Variants in PTPRM observed in about 807,000 individuals in gnomAD.
PTPRM encodes the protein receptor-type tyrosine-protein phosphatase mu.
Under a neutral mutation model 186.7 loss-of-function variants are expected in PTPRM, and 47 were observed. The ratio of observed to expected loss-of-function variants is 0.25; its 90% confidence interval spans 0.20 to 0.32. PTPRM has a LOEUF of 0.32. Among genes scored for constraint, PTPRM ranks in the 10% least tolerant of loss-of-function variants. PTPRM has a pLI of 1.00. For missense variants in PTPRM, 1,494 were observed against 1,865.0 expected (o/e 0.80, Z 3.66); for synonymous variants, 668 against 674.9 (o/e 0.99, Z 0.16).
chr18:8,202,323 T>G (rs1375927828), intron 14 of PTPRM, among the ~76,000 whole-genome samples: 1 of 152,190 alleles, frequency 6.6e-6, no homozygotes, highest in African/African-American at 2.4e-5. Context: ...ACAAACCTAT[T>G]TTACAGTAAA....
intron 21 of PTPRM, among the ~76,000 whole-genome samples, chr18:8,316,177 C>T (rs2095307631): frequency 1.3e-5 from 2 of 152,200 alleles, no homozygotes; most frequent in South Asian, 2.1e-4. Context: ...CCTTGAGAGG[C>T]TCCAGGGGAC....
At position 7,875,291 on chromosome 18, in the gene PTPRM, A is replaced by G. The variant is rs145769426; in HGVS notation, c.197-12815A>G. 7.0e-3 allele frequency among the ~76,000 whole-genome samples: 1,072 copies of G among 152,076 alleles called. 8 individuals are homozygous for G. The highest frequency in any genetic ancestry group is 0.024 in the African/African-American group (1,013 of 41,516). ...GTATTATGGTGTATCCTAGGATACT[A>G]TGCGTATCAGTGAAACATTCTTGGT... On this transcript the variant is annotated intron_variant, in intron 2 of 32. Transcript: ENST00000580170.
At chr18:7,787,870 A>G (rs1487774172) in intron 2 of PTPRM, among the ~76,000 whole-genome samples, 1 of 152,278 alleles carries the variant, frequency 6.6e-6, no homozygotes, top group African/African-American at 2.4e-5. Context: ...TGAAAACACA[A>G]GAGTCCATAA....
intron 1 of PTPRM, among the ~76,000 whole-genome samples, chr18:7,769,255 T>G (rs1302178967): frequency 6.6e-6 from 1 of 152,100 alleles, no homozygotes; most frequent in Non-Finnish European, 1.5e-5. Flanking sequence ...TATGGGCCCC[T>G]TATGACTGGA....
intron 19 of PTPRM, among the ~76,000 whole-genome samples, chr18:8,279,709 G>A (rs543194937): frequency 6.6e-6 from 1 of 152,316 alleles, no homozygotes; most frequent in South Asian, 2.1e-4. Context: ...TGTTCACTAT[G>A]GAGAGGATGC....
intron 14 of PTPRM, among the ~76,000 whole-genome samples, chr18:8,146,951 G>C (rs1254615271): frequency 6.6e-6 from 1 of 152,172 alleles, no homozygotes; most frequent in Non-Finnish European, 1.5e-5. Flanking sequence ...GCAAAGATCA[G>C]ATGGTTCTAG....
At chr18:7,715,867 A>G (rs2040317380) in intron 1 of PTPRM, among the ~76,000 whole-genome samples, 1 of 152,214 alleles carries the variant, frequency 6.6e-6, no homozygotes, top group Non-Finnish European at 1.5e-5. Context: ...GAGAAGACAA[A>G]CAAATGGAAA....
chr18:8,311,056 C>T (rs1398549987), intron 20 of PTPRM, among the ~76,000 whole-genome samples: 2 of 152,194 alleles, frequency 1.3e-5, no homozygotes, highest in Non-Finnish European at 2.9e-5. Context: ...CGCCTGTAAT[C>T]CCAGCACTTT....
chr18:7,954,542 G>A (rs757824687), intron 6 of PTPRM, among the ~76,000 whole-genome samples: 8 of 152,122 alleles, frequency 5.3e-5, no homozygotes, highest in Admixed American at 4.6e-4. Context: ...ATAAATATAA[G>A]GAAACAATTT....
intron 14 of PTPRM, among the ~76,000 whole-genome samples, chr18:8,238,731 G>A (rs1240777995): frequency 3.1e-5 from 4 of 127,910 alleles, no homozygotes; most frequent in African/African-American, 1.1e-4. Context: ...GTGGTAAATA[G>A]GCCTTTAGTA....
intron 7 of PTPRM, 35 bp from the exon 8 acceptor site, chr18:8,069,651 C>A: frequency 6.5e-7 from 1 of 1,542,404 alleles, no homozygotes; most frequent in South Asian, 1.2e-5. Context: ...TCTTTCTTCT[C>A]TCTCATGTTT....
intron 5 of PTPRM, among the ~76,000 whole-genome samples, chr18:7,937,594 G>T (rs918635012): frequency 6.6e-6 from 1 of 152,214 alleles, no homozygotes; most frequent in East Asian, 1.9e-4. Flanking sequence ...CAAAACTCAG[G>T]TAAAGGTGCC....
intron 1 of PTPRM, among the ~76,000 whole-genome samples, chr18:7,702,552 G>A (rs895927962): frequency 6.6e-6 from 1 of 151,874 alleles, no homozygotes; most frequent in African/African-American, 2.4e-5. Context: ...TGTTTTTCTT[G>A]TAAATTTGTT....
At chr18:8,066,755 C>G (rs1348709639) in intron 7 of PTPRM, among the ~76,000 whole-genome samples, 1 of 152,206 alleles carries the variant, frequency 6.6e-6, no homozygotes, top group Non-Finnish European at 1.5e-5. Context: ...ATTTAGACCT[C>G]ATACAGCCTC....
At chr18:8,378,222 C>G in intron 26 of PTPRM, 43 bp from the exon 27 acceptor site, 1 of 1,549,528 alleles carries the variant, frequency 6.5e-7, no homozygotes, top group South Asian at 1.1e-5. Flanking sequence ...TCCTCCTTCT[C>G]TGGTTCTCTA....
intron 23 of PTPRM, among the ~76,000 whole-genome samples, chr18:8,345,957 G>T (rs2095502494): frequency 6.6e-6 from 1 of 152,134 alleles, no homozygotes; most frequent in African/African-American, 2.4e-5. Flanking sequence ...ATTACAAAGG[G>T]TATAATAAGT....
intron 7 of PTPRM, among the ~76,000 whole-genome samples, chr18:8,022,968 G>A (rs1232410645): frequency 1.3e-5 from 2 of 152,206 alleles, no homozygotes; most frequent in Non-Finnish European, 2.9e-5. Flanking sequence ...GCCCCAGGAA[G>A]ACTGGGTATC....
chr18:7,600,900 C>T (rs982476935), intron 1 of PTPRM, among the ~76,000 whole-genome samples: 7 of 152,230 alleles, frequency 4.6e-5, no homozygotes, highest in African/African-American at 1.2e-4. Flanking sequence ...GAAACTGCTC[C>T]TGCATCTGCA....
At chr18:8,305,250 A>G (rs1253295281) in intron 20 of PTPRM, among the ~76,000 whole-genome samples, 1 of 152,142 alleles carries the variant, frequency 6.6e-6, no homozygotes, top group Non-Finnish European at 1.5e-5. Flanking sequence ...TAGGAAAAAA[A>G]CGTCTGTTTT....
Sources: allele counts gnomAD v4.1 joint callset (sites outside exome capture counted in the v4.1 genomes callset), GRCh38; gene constraint gnomAD v4.1.1; transcripts MANE v1.5; gene names NCBI Gene and HGNC (gene_info 2026-07-23, HGNC 2026-07-21).